Variants in LY96 observed in about 807,000 individuals in gnomAD.
The protein encoded by LY96 is myeloid differentiation protein-2.
A neutral mutation model predicts 18.9 loss-of-function variants in LY96; 18 were observed. The ratio of observed to expected loss-of-function variants is 0.95; its 90% CI spans 0.66 to 1.41. The LOEUF (loss-of-function observed/expected upper bound fraction) is 1.41. LY96 is among the 40% of genes most tolerant of loss of function. The pLI is 0.00. For synonymous variants in LY96, 66 were observed against 62.6 expected, an observed-to-expected ratio of 1.06 and a Z score of -0.26; for missense variants, 175 against 182.4, an observed-to-expected ratio of 0.96 and a Z score of 0.23.
At chr8:74,046,814 A>G in the LY96 span, among the ~76,000 whole-genome samples, 1 of 151,784 alleles carries the variant, frequency 6.6e-6, no homozygotes, top group African/African-American at 2.4e-5. Flanking sequence ...TTTTTCCTAC[A>G]TGAATGTTTT....
the LY96 span, among the ~76,000 whole-genome samples, chr8:74,080,953 A>T: frequency 0.017 from 2,456 of 147,900 alleles, 99 homozygotes; most frequent in Admixed American, 0.069. Flanking sequence ...TGTCTTTTGG[A>T]CTGTCTTGTG....
intron 3 of LY96, among the ~76,000 whole-genome samples, chr8:74,026,077 A>G (rs2131284822): frequency 6.6e-6 from 1 of 152,354 alleles, no homozygotes; most frequent in East Asian, 1.9e-4. Context: ...CTTACTTGTG[A>G]GACTAGAAGT....
At chr8:74,040,760 T>C in the LY96 span, among the ~76,000 whole-genome samples, 1 of 146,116 alleles carries the variant, frequency 6.8e-6, no homozygotes, top group African/African-American at 2.6e-5. Flanking sequence ...TGGAGTGCAG[T>C]GGCACGATCT....
At chr8:74,071,429 T>C in the LY96 span, among the ~76,000 whole-genome samples, 1 of 152,162 alleles carries the variant, frequency 6.6e-6, no homozygotes, top group Non-Finnish European at 1.5e-5. Flanking sequence ...AGTTCTCCTC[T>C]GGCCACCCTC....
chr8:74,001,254 C>T (rs991264617), intron 1 of LY96, among the ~76,000 whole-genome samples: 1 of 147,740 alleles, frequency 6.8e-6, no homozygotes, highest in African/African-American at 2.5e-5. Context: ...GAGACAGTCT[C>T]GCTCTGTCAT....
the LY96 span, among the ~76,000 whole-genome samples, chr8:74,081,122 T>TTTCC: frequency 3.0e-3 from 372 of 124,318 alleles, 5 homozygotes; most frequent in Middle Eastern, 7.9e-3. Flanking sequence ...TCTTTCTTTC[T>TTTCC]TTCCTTCCTT....
At chr8:74,047,672 G>A in the LY96 span, among the ~76,000 whole-genome samples, 1 of 152,160 alleles carries the variant, frequency 6.6e-6, no homozygotes, top group Non-Finnish European at 1.5e-5. Flanking sequence ...CTAATTGTGT[G>A]CCTAGAGCCA....
At chr8:74,073,737 C>T in the LY96 span, among the ~76,000 whole-genome samples, 6,239 of 152,000 alleles carry the variant, frequency 0.041, 320 homozygotes, top group African/African-American at 0.11. Context: ...AATCTCAGCT[C>T]ACTGCAACTT....
At chr8:74,041,115 T>C in the LY96 span, among the ~76,000 whole-genome samples, 1 of 152,190 alleles carries the variant, frequency 6.6e-6, no homozygotes, top group African/African-American at 2.4e-5. Context: ...AATATGGACA[T>C]ATATCAGTTC....
At chr8:74,062,669 A>G in the LY96 span, among the ~76,000 whole-genome samples, 1 of 152,126 alleles carries the variant, frequency 6.6e-6, no homozygotes, top group South Asian at 2.1e-4. Flanking sequence ...GGTTGATTCC[A>G]TGTCTTTTAG....
the LY96 span, among the ~76,000 whole-genome samples, chr8:74,094,259 G>A: frequency 2.0e-5 from 3 of 151,878 alleles, no homozygotes; most frequent in Admixed American, 2.0e-4. Flanking sequence ...GTGTGTATGT[G>A]TGTGTGTGTG....
chr8:74,001,669 TAGTG>T (rs750885041), intron 1 of LY96, among the ~76,000 whole-genome samples: 1 of 151,680 alleles, frequency 6.6e-6, no homozygotes, highest in Non-Finnish European at 1.5e-5. Context: ...CTGGGCAACA[TAGTG>T]AGACCTCATC....
At chr8:74,006,539 T>C (rs917774338) in intron 2 of LY96, among the ~76,000 whole-genome samples, 33 of 152,128 alleles carry the variant, frequency 2.2e-4, no homozygotes, top group Admixed American at 7.9e-4. Context: ...ATCAGTGCAA[T>C]AGGAGAGACA....
chr8:74,068,077 A>ATATATATATAT, the LY96 span, among the ~76,000 whole-genome samples: 1 of 98,462 alleles, frequency 1.0e-5, no homozygotes, highest in African/African-American at 6.2e-5. Flanking sequence ...AAAAAAAAAA[A>ATATATATATAT]AAAAAAAAAA....
At chr8:74,067,783 C>T in the LY96 span, among the ~76,000 whole-genome samples, 151,682 of 152,204 alleles carry the variant, frequency 1, 75,582 homozygotes, top group Middle Eastern at 1. Context: ...ATTTCCAGAC[C>T]GGGCGCAGTG....
chr8:74,089,729 G>A, the LY96 span, among the ~76,000 whole-genome samples: 7 of 121,082 alleles, frequency 5.8e-5, no homozygotes, highest in Admixed American at 8.1e-4. Context: ...GTCGGATAGT[G>A]ATAAGCATGA....
chr8:74,054,580 C>G, the LY96 span, among the ~76,000 whole-genome samples: 237 of 117,750 alleles, frequency 2.0e-3, no homozygotes, highest in African/African-American at 7.3e-3. Flanking sequence ...TCCCTCCCCC[C>G]TCCCTCCTTT....
At chr8:74,061,311 G>A in the LY96 span, among the ~76,000 whole-genome samples, 2 of 152,196 alleles carry the variant, frequency 1.3e-5, no homozygotes, top group Non-Finnish European at 2.9e-5. Flanking sequence ...TGTAGAGCTT[G>A]TTTCCTCTCT....
intron 3 of LY96, among the ~76,000 whole-genome samples, chr8:74,011,951 T>TAAAACATGCTCAACATC (rs373090437): frequency 0.31 from 46,433 of 151,718 alleles, 9,812 homozygotes; most frequent in African/African-American, 0.6. Context: ...ATAGGTATAT[T>TAAAACATGCTCAACATC]ACTAATCATC....
Sources: allele counts gnomAD v4.1 joint callset (sites outside exome capture counted in the v4.1 genomes callset), GRCh38; gene constraint gnomAD v4.1.1; transcripts MANE v1.5; gene names NCBI Gene and HGNC (gene_info 2026-07-23, HGNC 2026-07-21).